Variants in TRPM3 observed in about 807,000 individuals in gnomAD.
The protein encoded by TRPM3 is transient receptor potential cation channel subfamily M member 3, also known as long transient receptor potential channel 3.
A neutral mutation model predicts 181.2 loss-of-function variants in TRPM3; 77 were observed. That is an observed-to-expected ratio of 0.42 (90% CI 0.35 to 0.51). The LOEUF is 0.51. Ranked by LOEUF, TRPM3 falls within the 20% of genes least tolerant of loss-of-function variation. TRPM3 has a pLI of 0.01. For missense variants in TRPM3, 1,759 were observed against 2,196.7 expected (o/e 0.80, Z 3.98); for synonymous variants, 745 against 796.4 (o/e 0.94, Z 1.09).
chr9:70,622,538 A>G (rs778555823), intron 14 of TRPM3, among the ~76,000 whole-genome samples: 26 of 152,260 alleles, frequency 1.7e-4, no homozygotes, highest in Non-Finnish European at 1.9e-4. Context: ...AAAGGTGCTT[A>G]ATAGCATGGA....
intron 1 of TRPM3, among the ~76,000 whole-genome samples, chr9:71,039,941 T>C (rs1590891533): frequency 6.6e-6 from 1 of 152,194 alleles, no homozygotes; most frequent in East Asian, 1.9e-4. Flanking sequence ...TTCAAAATTA[T>C]AATATTTGAT....
At position 71,281,165 on chromosome 9, in the gene TRPM3, G is replaced by A. The variant is rs148684590; in HGVS notation, c.183+165488C>T. Among the ~76,000 whole-genome samples the A allele has an allele frequency of 7.1e-3, 1,075 of 152,298 alleles. 15 individuals carry two copies. Among genetic ancestry groups the A allele is most frequent in the African/African-American group, 0.023 (973 of 41,554 alleles). On this transcript the variant is annotated intron_variant, in intron 1 of 24. Transcript: ENST00000357533. ...AGTCAGAACCACAAAAGCAAAGTCG[G>A]GAGGTGTGTCAAAGTGACAAGGACC...
At chr9:70,978,099 C>A (rs78146194) in intron 1 of TRPM3, among the ~76,000 whole-genome samples, 1 of 152,160 alleles carries the variant, frequency 6.6e-6, no homozygotes, top group East Asian at 1.9e-4. Flanking sequence ...TACCTAGGGG[C>A]CCTCTAACAG....
chr9:70,642,820 G>C (rs1463152896), intron 9 of TRPM3, among the ~76,000 whole-genome samples: 3 of 152,176 alleles, frequency 2.0e-5, no homozygotes, highest in African/African-American at 4.8e-5. Flanking sequence ...TAAGACACAG[G>C]TTCTTGGGTC....
chr9:70,821,273 C>T (rs1169515275), intron 6 of TRPM3, among the ~76,000 whole-genome samples: 1 of 152,100 alleles, frequency 6.6e-6, no homozygotes, highest in Non-Finnish European at 1.5e-5. Flanking sequence ...GATACGCTGT[C>T]TGGATTTCCT....
chr9:70,887,153 T>C (rs2096101537), intron 1 of TRPM3, among the ~76,000 whole-genome samples: 1 of 152,148 alleles, frequency 6.6e-6, no homozygotes, highest in South Asian at 2.1e-4. Context: ...CTGTGGCTAG[T>C]GGATTGGGCT....
intron 1 of TRPM3, among the ~76,000 whole-genome samples, chr9:71,127,016 G>GA (rs1160148185): frequency 2.0e-5 from 3 of 151,618 alleles, no homozygotes; most frequent in Non-Finnish European, 4.4e-5. Flanking sequence ...TTACATGGGG[G>GA]ATCTTGGGCC....
At chr9:71,224,121 G>A (rs1208470134) in intron 1 of TRPM3, among the ~76,000 whole-genome samples, 1 of 152,236 alleles carries the variant, frequency 6.6e-6, no homozygotes, top group African/African-American at 2.4e-5. Context: ...CTGACCTAGT[G>A]TAGTACCAGT....
intron 1 of TRPM3, among the ~76,000 whole-genome samples, chr9:71,067,092 G>A (rs993552631): frequency 3.3e-5 from 5 of 152,130 alleles, no homozygotes; most frequent in Non-Finnish European, 5.9e-5. Context: ...GCACTCCAAC[G>A]ATAGGCAAGA....
intron 1 of TRPM3, among the ~76,000 whole-genome samples, chr9:71,278,640 T>C (rs1027478113): frequency 1.3e-5 from 2 of 152,184 alleles, no homozygotes; most frequent in Non-Finnish European, 2.9e-5. Flanking sequence ...GCTTACAAAC[T>C]ATTTAGGTTG....
At chr9:71,384,095 A>C (rs1377059891) in intron 1 of TRPM3, among the ~76,000 whole-genome samples, 1 of 152,222 alleles carries the variant, frequency 6.6e-6, no homozygotes, top group Non-Finnish European at 1.5e-5. Flanking sequence ...AACGTTATTA[A>C]TATATCATAT....
At chr9:71,137,185 A>G (rs559195620) in intron 1 of TRPM3, among the ~76,000 whole-genome samples, 28 of 152,284 alleles carry the variant, frequency 1.8e-4, no homozygotes, top group African/African-American at 6.7e-4. Flanking sequence ...TTTTCCTTTA[A>G]AACTAATAAA....
At chr9:70,592,298 C>A (rs1219105650) in intron 21 of TRPM3, among the ~76,000 whole-genome samples, 1 of 152,162 alleles carries the variant, frequency 6.6e-6, no homozygotes, top group Non-Finnish European at 1.5e-5. Context: ...ACAGGCCAAC[C>A]AGAATCCTTG....
intron 1 of TRPM3, among the ~76,000 whole-genome samples, chr9:71,043,363 A>C (rs2059048417): frequency 6.6e-6 from 1 of 152,194 alleles, no homozygotes. Context: ...ACCACATTTA[A>C]AGCTATATTT....
chr9:70,553,907 T>TG (rs1347675896), intron 22 of TRPM3, among the ~76,000 whole-genome samples: 1 of 152,168 alleles, frequency 6.6e-6, no homozygotes, highest in East Asian at 1.9e-4. Flanking sequence ...TCTCTGCTCC[T>TG]GATGGATGGG....
At chr9:70,938,391 C>G (rs2096850355) in intron 1 of TRPM3, among the ~76,000 whole-genome samples, 1 of 152,164 alleles carries the variant, frequency 6.6e-6, no homozygotes, top group Non-Finnish European at 1.5e-5. Flanking sequence ...TCTTTGAGCC[C>G]TTTGTACATA....
At chr9:71,385,437 A>G (rs1284520932) in intron 1 of TRPM3, among the ~76,000 whole-genome samples, 1 of 152,176 alleles carries the variant, frequency 6.6e-6, no homozygotes, top group African/African-American at 2.4e-5. Context: ...TATTTGTATT[A>G]GAGGGTTACA....
At chr9:70,995,436 C>T (rs2134172019) in intron 1 of TRPM3, among the ~76,000 whole-genome samples, 1 of 152,242 alleles carries the variant, frequency 6.6e-6, no homozygotes, top group Non-Finnish European at 1.5e-5. Flanking sequence ...TAAAAAAATT[C>T]TCACCATTTT....
At chr9:70,848,181 A>G (rs1221856796) in intron 3 of TRPM3, among the ~76,000 whole-genome samples, 3 of 152,206 alleles carry the variant, frequency 2.0e-5, no homozygotes, top group Admixed American at 6.5e-5. Flanking sequence ...ACGTGCATAT[A>G]TATACATCTG....
Sources: allele counts gnomAD v4.1 joint callset (sites outside exome capture counted in the v4.1 genomes callset), GRCh38; gene constraint gnomAD v4.1.1; transcripts MANE v1.5; gene names NCBI Gene and HGNC (gene_info 2026-07-23, HGNC 2026-07-21).